Variants in CD5 observed in about 807,000 individuals in gnomAD.
CD5 encodes CD5 molecule.
Under a neutral mutation model 60.3 loss-of-function variants are expected in CD5, and 36 were observed. The observed-to-expected ratio is 0.60, with a 90% CI of 0.46 to 0.79. The LOEUF (loss-of-function observed/expected upper bound fraction) is 0.79. CD5 is among the 30% of genes least tolerant of loss of function. The pLI, the probability that CD5 is intolerant of heterozygous loss-of-function variation, is 0.00. For missense variants in CD5, 540 were observed against 630.6 expected (o/e 0.86, Z 1.54); for synonymous variants, 230 against 257.6 (o/e 0.89, Z 1.03).
chr11:61,097,167 G>A, the CD5 span, among the ~76,000 whole-genome samples: 7 of 152,158 alleles, frequency 4.6e-5, no homozygotes, highest in African/African-American at 7.2e-5. Flanking sequence ...AGCCGAGCAC[G>A]TAGCCCAGTC....
Position 61,121,772 on chromosome 11 carries a change from A to G in CD5, c.967A>G (p.Ser323Gly). The change falls in exon 6 of 11, where the codon AGC becomes GGC. Residue 323 changes from serine to glycine, a missense_variant. Transcript: ENST00000347785. ...GGTGTGCCGGGAGCAGCAGTGTGGCAGCGTCAACTCCTATCGAGTGCTGGA... is the reference window on the plus strand; with the variant it reads ...GGTGTGCCGGGAGCAGCAGTGTGGCGGCGTCAACTCCTATCGAGTGCTGGA... ...EEVCREQQCG[S>G]VNSYRVLDAG... is the part of the protein sequence containing the mutation. 6.2e-7 allele frequency: 1 copy of G among 1,612,458 alleles called. No homozygotes were observed. The highest frequency in any genetic ancestry group is 8.5e-7 in the Non-Finnish European group (1 of 1,178,828).
upstream of CD5, among the ~76,000 whole-genome samples, chr11:61,100,625 CACACACACATCAACATGGAGATT>C (rs1860659901): frequency 1.2e-5 from 1 of 86,520 alleles, no homozygotes; most frequent in Non-Finnish European, 2.0e-5. Context: ...ATGGAGATCA[CACACACACATCAACATGGAGATT>C]ACACACACAT....
Position 61,118,543 on chromosome 11 carries a change from C to T in CD5, c.400+63C>T, listed in dbSNP as rs1034033942. The T allele has an allele frequency of 5.0e-5, 76 of 1,523,796 alleles. No individual in the cohort carries two copies. The African/African-American group carries it at 7.9e-4, about 16-fold the overall frequency. The allele number at this position is 1,523,796 out of a possible 1,614,324, so 94.4% of individuals were successfully genotyped here. A position where few individuals can be genotyped will look rare whatever the true frequency, so the allele number is the denominator to read the frequency against. On this transcript the variant is annotated intron_variant, in intron 3 of 10. Transcript: ENST00000347785. This position sits in a 1 kb window ranked among gnomAD's most constrained non-coding sequence, Gnocchi z 4.7. Reference sequence around the variant, plus strand: ...GGGCGCCAGCCCCGAGGAGACTGCCCGAGGCCTGTGATCTAGGGTCTGAGC... The same window carrying T: ...GGGCGCCAGCCCCGAGGAGACTGCCTGAGGCCTGTGATCTAGGGTCTGAGC...
upstream of CD5, chr11:61,102,404 C>T (rs1860706028): frequency 1.6e-6 from 1 of 613,472 alleles, no homozygotes; most frequent in African/African-American, 1.8e-5. Context: ...CAACTTCAAA[C>T]ATGGGTGACG....
chr11:61,125,312 A>G (rs1346784793), intron 9 of CD5, among the ~76,000 whole-genome samples, 161 bp downstream of exon 9: 2 of 152,278 alleles, frequency 1.3e-5, no homozygotes, highest in Middle Eastern at 3.4e-3. Context: ...AGGGGTACGG[A>G]AGGGATATAG....
Sources: allele counts gnomAD v4.1 joint callset (sites outside exome capture counted in the v4.1 genomes callset), GRCh38; gene constraint gnomAD v4.1.1; non-coding constraint Gnocchi (gnomAD v3.1); transcripts MANE v1.5; gene names NCBI Gene and HGNC (gene_info 2026-07-23, HGNC 2026-07-21).